The following LCA5 variants were observed in gnomAD, a reference collection of about 807,000 sequenced individuals.
The protein encoded by LCA5 is lebercilin.
LCA5 carries 37 observed loss-of-function variants against 53.0 expected under a neutral mutation model. That is an observed-to-expected ratio of 0.70 (90% CI 0.54 to 0.92). The LOEUF is 0.92. Among genes scored for constraint, LCA5 ranks in the 40% least tolerant of loss-of-function variants. The pLI is 0.00. For synonymous variants in LCA5, 303 were observed against 282.9 expected, an observed-to-expected ratio of 1.07 and a Z score of -0.71; for missense variants, 806 against 790.5, an observed-to-expected ratio of 1.02 and a Z score of -0.23.
At chr6:79,496,704 G>T (rs981470607) in intron 3 of LCA5, among the ~76,000 whole-genome samples, 2 of 152,040 alleles carry the variant, frequency 1.3e-5, no homozygotes, top group African/African-American at 4.8e-5. Context: ...AGTACAAAAA[G>T]GCATTAAAAC....
intron 2 of LCA5, among the ~76,000 whole-genome samples, chr6:79,515,418 A>C (rs1182644668): frequency 6.6e-6 from 1 of 152,162 alleles, no homozygotes; most frequent in Non-Finnish European, 1.5e-5. Flanking sequence ...CATCCTAAAA[A>C]ATATAAGTAT....
At chr6:79,516,875 T>G (rs1447956734) in intron 2 of LCA5, among the ~76,000 whole-genome samples, 1 of 151,912 alleles carries the variant, frequency 6.6e-6, no homozygotes, top group African/African-American at 2.4e-5. Context: ...TATGTTAATA[T>G]TATTGAAAAA....
chr6:79,489,306 CAACT>C (rs1260977652), intron 6 of LCA5, 90 bp from the exon 7 acceptor site: 55 of 1,283,172 alleles, frequency 4.3e-5, no homozygotes, highest in South Asian at 1.9e-4. Context: ...ACATGATTAC[CAACT>C]AAGTTAAAAA....
Position 79,487,351 on chromosome 6 carries a change from T to A in LCA5, c.1747A>T (p.Ser583Cys), listed in dbSNP as rs138594057. ...KSSFLDFQRNSMEKLSKDGVD... is the reference protein window; with the variant it reads ...KSSFLDFQRNCMEKLSKDGVD... ...CCATCTTTACTAAGTTTTTCCATAC[T>A]GTTTCTTTGGAAATCCAAAAAACTA... The change falls in exon 8 of 8, where the codon AGT becomes TGT. Residue 583 changes from serine to cysteine, a missense_variant. Physicochemically the swap from Ser to Cys is moderately radical, Grantham distance 112. Coordinates refer to ENST00000369846, the MANE Select transcript of LCA5 (RefSeq NM_001122769.3). 1.2e-6 allele frequency: 2 copies of A among 1,613,340 alleles called. No homozygotes were observed. Among genetic ancestry groups the A allele is most frequent in the African/African-American group, 2.7e-5 (2 of 74,822 alleles).
At chr6:79,508,608 A>C (rs1770330798) in intron 3 of LCA5, among the ~76,000 whole-genome samples, 1 of 150,974 alleles carries the variant, frequency 6.6e-6, no homozygotes, top group African/African-American at 2.4e-5. Context: ...TCTTAAAATA[A>C]AACAAAAAGT....
intron 1 of LCA5, 125 bp from the exon 2 acceptor site, chr6:79,519,210 T>G (rs1766547446): frequency 2.8e-6 from 1 of 362,400 alleles, no homozygotes; most frequent in African/African-American, 2.1e-5. Context: ...AGGCTACAAT[T>G]TATCTATATT....
chr6:79,533,989 C>T (rs958098261), intron 1 of LCA5, among the ~76,000 whole-genome samples: 6 of 150,554 alleles, frequency 4.0e-5, no homozygotes, highest in African/African-American at 1.2e-4. Context: ...TTCTCCTCCC[C>T]GCAAAAAAGA....
At chr6:79,492,777 C>T (rs566234192) in intron 4 of LCA5, 130 bp from the exon 5 acceptor site, 4 of 613,980 alleles carry the variant, frequency 6.5e-6, no homozygotes, top group South Asian at 3.9e-5. Context: ...TTTGTAACTA[C>T]CAAACTATAG....
chr6:79,509,179 G>GC (rs1770345071), intron 3 of LCA5, among the ~76,000 whole-genome samples: 1 of 152,210 alleles, frequency 6.6e-6, no homozygotes, highest in South Asian at 2.1e-4. Flanking sequence ...TTATGGCTGG[G>GC]CGTGGTGGCT....
chr6:79,533,781 G>C (rs182645955), intron 1 of LCA5, among the ~76,000 whole-genome samples: 5 of 151,698 alleles, frequency 3.3e-5, no homozygotes, highest in African/African-American at 9.6e-5. Flanking sequence ...CTGACTCTAA[G>C]AAACCATCTT....
chr6:79,505,260 A>G (rs1770244680), intron 3 of LCA5, among the ~76,000 whole-genome samples: 1 of 152,190 alleles, frequency 6.6e-6, no homozygotes, highest in South Asian at 2.1e-4. Flanking sequence ...CAAAAATATC[A>G]TAATTTCATT....
At chr6:79,494,889 A>G (rs1011826817) in intron 3 of LCA5, among the ~76,000 whole-genome samples, 4 of 152,220 alleles carry the variant, frequency 2.6e-5, no homozygotes, top group Non-Finnish European at 2.9e-5. Context: ...ATCTAAATCA[A>G]GAACTCCTGA....
intron 1 of LCA5, among the ~76,000 whole-genome samples, chr6:79,521,280 G>C (rs890330218): frequency 2.0e-5 from 3 of 152,082 alleles, no homozygotes; most frequent in African/African-American, 7.2e-5. Context: ...TTTTTGAAAA[G>C]CAATTCCCAT....
chr6:79,505,242 A>C (rs2655678), intron 3 of LCA5, among the ~76,000 whole-genome samples: 74,089 of 151,944 alleles, frequency 0.49, 19,305 homozygotes, highest in East Asian at 0.81. Flanking sequence ...TAAGCTTTAC[A>C]CTTCAATCAA....
At chr6:79,535,319 T>C (rs1767080946) in intron 1 of LCA5, among the ~76,000 whole-genome samples, 1 of 152,090 alleles carries the variant, frequency 6.6e-6, no homozygotes, top group Admixed American at 6.6e-5. Context: ...GATCTGACAT[T>C]TGCAAGGATC....
chr6:79,486,703 A>G lies in LCA5; in HGVS notation c.*301T>C. 3.9e-6 allele frequency: 1 copy of G among 259,120 alleles called. No homozygotes were observed. The highest frequency in any genetic ancestry group is 7.3e-6 in the Non-Finnish European group (1 of 137,740). 16.1% of individuals were successfully genotyped at this position (259,120 alleles called of 1,614,324 possible). ...ACATAAATAGGAATAAAAGTAGAAA[A>G]GGAATACCACCTCCAGTGCAGTTAA... On this transcript the variant is annotated 3_prime_UTR_variant, in exon 8 of 8. Transcript: ENST00000369846.
intron 3 of LCA5, among the ~76,000 whole-genome samples, chr6:79,511,075 G>C (rs749646605): frequency 6.6e-6 from 1 of 151,976 alleles, no homozygotes; most frequent in South Asian, 2.1e-4. Flanking sequence ...AAAGAGAATG[G>C]AATGGCAGTT....
rs1769672285 is a variant in LCA5 at position 79,486,896 on chromosome 6, A to G, written c.*108T>C. 2 of 900,246 alleles carry G rather than the reference A, an allele frequency of 2.2e-6. No homozygotes were observed. Among genetic ancestry groups the G allele is most frequent in the East Asian group, 2.7e-5 (1 of 37,558 alleles). The allele number at this position is 900,246 out of a possible 1,614,324, so 55.8% of individuals were successfully genotyped here. A position where few individuals can be genotyped will look rare whatever the true frequency, so the allele number is the denominator to read the frequency against. On this transcript the variant is annotated 3_prime_UTR_variant, in exon 8 of 8. Coordinates refer to ENST00000369846, the MANE Select transcript of LCA5 (RefSeq NM_001122769.3). ...GCATTGTATTTAGCTATTAAAAATC[A>G]TTCCTTAATAAGGACATTTTAGCAT...
At chr6:79,497,949 T>A (rs1366749408) in intron 3 of LCA5, among the ~76,000 whole-genome samples, 1 of 118,928 alleles carries the variant, frequency 8.4e-6, no homozygotes, top group Non-Finnish European at 1.7e-5. Flanking sequence ...AGAGTGAGAC[T>A]CCATCTCAAA....
Sources: allele counts gnomAD v4.1 joint callset (sites outside exome capture counted in the v4.1 genomes callset), GRCh38; gene constraint gnomAD v4.1.1; transcripts MANE v1.5; gene names NCBI Gene and HGNC (gene_info 2026-07-23, HGNC 2026-07-21).